Variants in DOCK1 observed in about 807,000 individuals in gnomAD.
DOCK1 encodes dedicator of cytokinesis 1.
DOCK1 carries 138 observed loss-of-function variants against 262.7 expected under a neutral mutation model. That is an observed-to-expected ratio of 0.53 (90% CI 0.46 to 0.61). The LOEUF (loss-of-function observed/expected upper bound fraction) is 0.61, where lower values mean the gene tolerates loss of function less well. Ranked by LOEUF, DOCK1 falls within the 20% of genes least tolerant of loss-of-function variation. The pLI, the probability that DOCK1 is intolerant of heterozygous loss-of-function variation, is 0.00. For missense variants in DOCK1, 1,908 were observed against 2,370.7 expected (o/e 0.80, Z 4.05); for synonymous variants, 866 against 867.4 (o/e 1.00, Z 0.03).
chr10:127,391,336 A>G (rs372240182), intron 38 of DOCK1, among the ~76,000 whole-genome samples: 15 of 152,188 alleles, frequency 9.9e-5, no homozygotes, highest in East Asian at 3.9e-4. Context: ...CATGGCCCTT[A>G]AGGAAATACA....
At chr10:126,966,301 G>A (rs1392847862) in intron 1 of DOCK1, among the ~76,000 whole-genome samples, 2 of 152,076 alleles carry the variant, frequency 1.3e-5, no homozygotes, top group African/African-American at 2.4e-5. Flanking sequence ...TTATTCATCT[G>A]TGTGGGACAC....
chr10:127,390,009 CAAACA>C (rs2066379820), intron 38 of DOCK1, among the ~76,000 whole-genome samples: 2 of 51,246 alleles, frequency 3.9e-5, no homozygotes, highest in Non-Finnish European at 3.7e-5. Flanking sequence ...AACTCTGTCT[CAAACA>C]AAAAAAAAAA....
chr10:127,328,119 C>G (rs916966753), intron 29 of DOCK1, among the ~76,000 whole-genome samples: 6 of 72,526 alleles, frequency 8.3e-5, no homozygotes, highest in African/African-American at 1.8e-4. Flanking sequence ...TACAAATGGG[C>G]AAAAAAAAAA....
At chr10:127,421,298 T>A (rs2068493681) in intron 46 of DOCK1, among the ~76,000 whole-genome samples, 2 of 152,092 alleles carry the variant, frequency 1.3e-5, no homozygotes, top group African/African-American at 4.8e-5. Context: ...CAATGAGACG[T>A]CTTAGAGTGG....
At position 127,248,107 on chromosome 10, in the gene DOCK1, G is replaced by A. The variant is rs760088702; in HGVS notation, c.2947G>A (p.Val983Ile). 2.5e-6 allele frequency: 4 copies of A among 1,613,406 alleles called. No homozygotes were observed. Among genetic ancestry groups the A allele is most frequent in the Non-Finnish European group, 3.4e-6 (4 of 1,179,550 alleles). ...TTTTGGGAAAATGAGGACTGATGTGGTAGTAAGTGTCCCTTTCACCCTGTT... is the reference window on the plus strand; with the variant it reads ...TTTTGGGAAAATGAGGACTGATGTGATAGTAAGTGTCCCTTTCACCCTGTT... ...KTFGKMRTDVVDFLMETFIMF... is the reference protein window; with the variant it reads ...KTFGKMRTDVIDFLMETFIMF... The change falls in exon 28 of 52, where the codon GTA becomes ATA. Residue 983 changes from valine to isoleucine, a missense_variant and splice_region_variant. Transcript: ENST00000623213.
At chr10:127,315,783 C>T (rs773222336) in intron 29 of DOCK1, among the ~76,000 whole-genome samples, 8 of 152,152 alleles carry the variant, frequency 5.3e-5, no homozygotes, top group Non-Finnish European at 8.8e-5. Context: ...CTGCAACCTC[C>T]GCCCTCCTGG....
chr10:127,085,824 A>C (rs1353285989), intron 23 of DOCK1, among the ~76,000 whole-genome samples: 1 of 152,086 alleles, frequency 6.6e-6, no homozygotes, highest in Admixed American at 6.5e-5. Flanking sequence ...CTTCATAGAG[A>C]ACAGATCTAA....
chr10:127,300,393 G>C (rs533392658), intron 29 of DOCK1, among the ~76,000 whole-genome samples: 33 of 152,252 alleles, frequency 2.2e-4, no homozygotes, highest in African/African-American at 7.5e-4. Flanking sequence ...ACTGGGCTTA[G>C]ACAATGATGG....
intron 32 of DOCK1, among the ~76,000 whole-genome samples, chr10:127,360,447 G>A (rs955814025): frequency 6.6e-6 from 1 of 152,168 alleles, no homozygotes; most frequent in African/African-American, 2.4e-5. Context: ...GTGATCCTGC[G>A]CTAGCATCTT....
chr10:127,407,988 C>T (rs2067618564), intron 40 of DOCK1, among the ~76,000 whole-genome samples: 1 of 152,108 alleles, frequency 6.6e-6, no homozygotes, highest in South Asian at 2.1e-4. Flanking sequence ...CAGCATTACA[C>T]TAGGTACTCA....
intron 1 of DOCK1, among the ~76,000 whole-genome samples, chr10:126,960,360 T>C (rs1324809923): frequency 6.6e-6 from 1 of 151,814 alleles, no homozygotes; most frequent in Non-Finnish European, 1.5e-5. Flanking sequence ...TCCTCAGTGG[T>C]GGCTGCACTT....
At chr10:127,247,221 C>T (rs1243717957) in intron 27 of DOCK1, among the ~76,000 whole-genome samples, 1 of 152,194 alleles carries the variant, frequency 6.6e-6, no homozygotes, top group Admixed American at 6.5e-5. Flanking sequence ...TTTACCTTCC[C>T]CATTCTTGAT....
At chr10:127,198,144 A>G (rs1304575284) in intron 27 of DOCK1, among the ~76,000 whole-genome samples, 1 of 152,188 alleles carries the variant, frequency 6.6e-6, no homozygotes, top group African/African-American at 2.4e-5. Context: ...TGTGAGCAGT[A>G]TGGAAACTGC....
chr10:126,981,897 G>C, intron 3 of DOCK1, 21 bp from the exon 4 acceptor site: 2 of 1,410,922 alleles, frequency 1.4e-6, no homozygotes, highest in South Asian at 2.7e-5. Context: ...AAAAGCTACT[G>C]TTTTTTTTTT....
chr10:127,004,060 G>A (rs1021345780), intron 10 of DOCK1, among the ~76,000 whole-genome samples: 11 of 151,718 alleles, frequency 7.3e-5, no homozygotes, highest in South Asian at 2.1e-4. Context: ...CGAGACCAGC[G>A]TGGCCAGTGT....
chr10:127,059,614 A>G (rs1486246589), intron 22 of DOCK1, among the ~76,000 whole-genome samples: 1 of 152,106 alleles, frequency 6.6e-6, no homozygotes, highest in African/African-American at 2.4e-5. Flanking sequence ...TAGAGAGTAT[A>G]TTTTGTAGTT....
chr10:127,052,532 A>C, intron 21 of DOCK1, 149 bp from the exon 22 acceptor site: 2 of 1,242,904 alleles, frequency 1.6e-6, no homozygotes, highest in Non-Finnish European at 2.2e-6. Flanking sequence ...AAACAAAAAA[A>C]AAAAAAAAGA....
Position 126,978,089 on chromosome 10 carries a change from A to G in DOCK1, c.171+101A>G, listed in dbSNP as rs1184656414. On this transcript the variant is annotated intron_variant, in intron 3 of 51. Coordinates refer to ENST00000623213, the MANE Select transcript of DOCK1 (RefSeq NM_001290223.2). ...TTGTGTCTGAGGGTTTTACTTCTAT[A>G]TCTCTTTCTCTGAATTTAAAAAAAT... 4 of 1,185,880 alleles carry G rather than the reference A, an allele frequency of 3.4e-6. No individual in the cohort carries two copies. In the African/African-American group the frequency reaches 6.1e-5, roughly 18 times the overall value. 73.5% of individuals were successfully genotyped at this position (1,185,880 alleles called of 1,614,324 possible). A position where few individuals can be genotyped will look rare whatever the true frequency, so the allele number is the denominator to read the frequency against.
Position 127,125,560 on chromosome 10 carries a change from C to T in DOCK1, c.2710C>T (p.Leu904=), listed in dbSNP as rs1228118295. 1 of 1,613,764 alleles carries T rather than the reference C, an allele frequency of 6.2e-7. No homozygotes were observed. The highest frequency in any genetic ancestry group is 8.5e-7 in the Non-Finnish European group (1 of 1,179,886). The change falls in exon 26 of 52, where the codon CTG becomes TTG. Residue 904 remains leucine (L), a synonymous_variant. Transcript: ENST00000623213. ...RQEDLEACCQ[L]LSHILEVLYR... The stretch of plus-strand genomic sequence containing the variant: ...GGAGGACCTGGAGGCCTGCTGTCAG[C>T]TGCTCAGCCACATCCTGGAGGTGCT...
Sources: gnomAD v4.1 joint callset for allele counts (sites outside exome capture counted in the v4.1 genomes callset) on GRCh38, gnomAD v4.1.1 for gene constraint, MANE v1.5 for transcripts, NCBI Gene and HGNC (gene_info 2026-07-23, HGNC 2026-07-21) for gene names.